The following ZNF385D variants were observed in gnomAD, a reference collection of about 807,000 sequenced individuals.
ZNF385D encodes the protein zinc finger protein 385D.
In ZNF385D, 15 loss-of-function variants were observed where a neutral mutation model predicts 35.8. That is an observed-to-expected ratio of 0.42 (90% CI 0.28 to 0.64). ZNF385D has a LOEUF of 0.64. Ranked by LOEUF, ZNF385D falls within the 30% of genes least tolerant of loss-of-function variation. The pLI, the probability that ZNF385D is intolerant of heterozygous loss-of-function variation, is 0.23. For missense variants in ZNF385D, 474 were observed against 494.6 expected, an observed-to-expected ratio of 0.96 and a Z score of 0.39; for synonymous variants, 212 against 186.8, an observed-to-expected ratio of 1.13 and a Z score of -1.10.
At chr3:22,292,762 C>A (rs1227508091) in intron 2 of ZNF385D, among the ~76,000 whole-genome samples, 1 of 152,030 alleles carries the variant, frequency 6.6e-6, no homozygotes, top group Non-Finnish European at 1.5e-5. Flanking sequence ...GAGCTCTATT[C>A]TTTTTCTGGT....
intron 3 of ZNF385D, among the ~76,000 whole-genome samples, chr3:21,909,482 C>G (rs1205943395): frequency 6.6e-6 from 1 of 152,030 alleles, no homozygotes; most frequent in African/African-American, 2.4e-5. Context: ...TTAATGGTAA[C>G]AAAATCTTTG....
chr3:22,008,434 G>T (rs541199789), intron 3 of ZNF385D, among the ~76,000 whole-genome samples: 1 of 150,006 alleles, frequency 6.7e-6, no homozygotes, highest in African/African-American at 2.5e-5. Flanking sequence ...CTCACTGCAG[G>T]CTCCGCCCCC....
intron 3 of ZNF385D, among the ~76,000 whole-genome samples, chr3:21,944,252 A>C (rs1469542289): frequency 1.3e-5 from 2 of 152,202 alleles, no homozygotes; most frequent in Non-Finnish European, 2.9e-5. Context: ...CAAGAAAACT[A>C]TTACAGAAAT....
rs552515632 is a variant in ZNF385D at position 21,634,341 on chromosome 3, A to C, written c.165+30545T>G. Among the ~76,000 whole-genome samples the C allele has an allele frequency of 3.3e-5, 5 of 150,802 alleles. No homozygotes were observed. In the East Asian group the frequency reaches 9.8e-4, roughly 29 times the overall value. On this transcript the variant is annotated intron_variant, in intron 2 of 7. Coordinates refer to ENST00000281523, the MANE Select transcript of ZNF385D (RefSeq NM_024697.3). ...AAAGGAAAGAGGAAGGAAGGGAGAGAGGAAAGAAAGAAAAGAAAAAAAGAA... is the reference window on the plus strand; with the variant it reads ...AAAGGAAAGAGGAAGGAAGGGAGAGCGGAAAGAAAGAAAAGAAAAAAAGAA...
chr3:21,489,159 G>A (rs1169762348), intron 4 of ZNF385D, among the ~76,000 whole-genome samples: 5 of 152,074 alleles, frequency 3.3e-5, no homozygotes, highest in Admixed American at 2.0e-4. Flanking sequence ...CACACACTAA[G>A]TAGAGGGAAT....
At chr3:21,951,281 C>T (rs1702052024) in intron 3 of ZNF385D, among the ~76,000 whole-genome samples, 2 of 151,526 alleles carry the variant, frequency 1.3e-5, no homozygotes, top group South Asian at 2.1e-4. Flanking sequence ...AAGTTGTATA[C>T]CTAGGTGTTT....
chr3:21,500,025 T>C (rs1398508353), intron 4 of ZNF385D, among the ~76,000 whole-genome samples: 1 of 152,214 alleles, frequency 6.6e-6, no homozygotes, highest in African/African-American at 2.4e-5. Context: ...CATTAGAAAC[T>C]GAAGTAGCTC....
At chr3:22,169,685 A>G (rs1374915941) in intron 2 of ZNF385D, among the ~76,000 whole-genome samples, 2 of 152,224 alleles carry the variant, frequency 1.3e-5, no homozygotes, top group Non-Finnish European at 2.9e-5. Flanking sequence ...AGTGTGACTG[A>G]ATTATGGCTT....
chr3:22,027,718 T>A (rs1576180234), intron 3 of ZNF385D, among the ~76,000 whole-genome samples: 2 of 152,166 alleles, frequency 1.3e-5, no homozygotes, highest in Middle Eastern at 6.8e-3. Context: ...GGTATATACA[T>A]AATTGGGCTC....
At position 21,850,509 on chromosome 3, in the gene ZNF385D, C is replaced by T. The variant is rs28749931; in HGVS notation, c.326-185481G>A. Among the ~76,000 whole-genome samples, 579 of 152,162 alleles carry T rather than the reference C, an allele frequency of 3.8e-3. 3 individuals are homozygous for T. Among genetic ancestry groups the T allele is most frequent in the African/African-American group, 0.013 (537 of 41,532 alleles). On this transcript the variant is annotated intron_variant, in intron 3 of 5. Transcript: ENST00000494108. ...CAAAAGATACAAAAGAAGGGATTTA[C>T]TTAGATAAAATGATTTACAATCTGT...
chr3:22,019,238 C>T (rs79007053), intron 3 of ZNF385D, among the ~76,000 whole-genome samples: 4,453 of 151,514 alleles, frequency 0.029, 85 homozygotes, highest in Non-Finnish European at 0.043. Context: ...AAGGCATTCT[C>T]ACCTTATTTC....
chr3:22,239,232 G>A (rs2125310997), intron 2 of ZNF385D, among the ~76,000 whole-genome samples: 1 of 151,208 alleles, frequency 6.6e-6, no homozygotes, highest in Non-Finnish European at 1.5e-5. Context: ...GTATCTTTAA[G>A]TAAAATGAAA....
chr3:22,339,539 G>A (rs1017275278), intron 2 of ZNF385D, among the ~76,000 whole-genome samples: 2 of 152,060 alleles, frequency 1.3e-5, no homozygotes, highest in Non-Finnish European at 2.9e-5. Context: ...ACCCTCAACA[G>A]CTCCAATAAA....
chr3:22,084,479 GA>G (rs1237757741), intron 3 of ZNF385D, among the ~76,000 whole-genome samples: 1 of 152,166 alleles, frequency 6.6e-6, no homozygotes, highest in Non-Finnish European at 1.5e-5. Context: ...AAGAGACAAA[GA>G]AGGCCATTAC....
intron 3 of ZNF385D, among the ~76,000 whole-genome samples, chr3:21,998,837 C>T (rs370580849): frequency 3.0e-4 from 46 of 152,104 alleles, no homozygotes; most frequent in East Asian, 3.9e-4. Flanking sequence ...TTGTAACATA[C>T]GCACACACAT....
chr3:21,905,379 C>T (rs934503382), intron 3 of ZNF385D, among the ~76,000 whole-genome samples: 11 of 151,960 alleles, frequency 7.2e-5, no homozygotes, highest in African/African-American at 2.7e-4. Context: ...TCTTTTATCA[C>T]ATAAAGGCTA....
At chr3:22,303,140 A>G (rs574632972) in intron 2 of ZNF385D, among the ~76,000 whole-genome samples, 1 of 152,298 alleles carries the variant, frequency 6.6e-6, no homozygotes, top group Admixed American at 6.5e-5. Context: ...TTGTTCAATG[A>G]TAATAATATC....
chr3:21,908,151 T>TATCTATCC (rs1553696844), intron 3 of ZNF385D, among the ~76,000 whole-genome samples: 41 of 151,004 alleles, frequency 2.7e-4, no homozygotes, highest in African/African-American at 1.0e-3. Context: ...TCTATCTATC[T>TATCTATCC]ATCTATCTAT....
chr3:21,699,818 T>G (rs2067607838), intron 1 of ZNF385D, among the ~76,000 whole-genome samples: 1 of 150,058 alleles, frequency 6.7e-6, no homozygotes, highest in African/African-American at 2.5e-5. Context: ...GTTATGTTTC[T>G]TTTCCTTTTT....
Sources: allele counts gnomAD v4.1 joint callset (sites outside exome capture counted in the v4.1 genomes callset), GRCh38; gene constraint gnomAD v4.1.1; transcripts MANE v1.5; gene names NCBI Gene and HGNC (gene_info 2026-07-23, HGNC 2026-07-21).